The following RAB38 variants were observed in gnomAD, a reference collection of about 807,000 sequenced individuals.
RAB38 encodes RAB38, member RAS oncogene family.
RAB38 carries 15 observed loss-of-function variants against 18.4 expected under a neutral mutation model. That is an observed-to-expected ratio of 0.82 (90% CI 0.55 to 1.26). The LOEUF (loss-of-function observed/expected upper bound fraction) is 1.26, where lower values mean the gene tolerates loss of function less well. Among genes scored for constraint, RAB38 ranks in the 50% most tolerant of loss-of-function variants. The probability of loss-of-function intolerance (pLI) is 0.00; values close to 1 mark genes in which losing one functional copy is unlikely to be tolerated. For missense variants in RAB38, 294 were observed against 267.4 expected (o/e 1.10, Z -0.69); for synonymous variants, 101 against 104.4 (o/e 0.97, Z 0.20).
At chr11:87,911,624 T>G in the RAB38 span, among the ~76,000 whole-genome samples, 2 of 152,072 alleles carry the variant, frequency 1.3e-5, no homozygotes, top group Admixed American at 1.3e-4. Context: ...TTCTGAAGAT[T>G]CCATAGGATT....
chr11:88,098,863 C>G, the RAB38 span: 1 of 151,932 alleles, frequency 6.6e-6, no homozygotes, highest in Non-Finnish European at 1.5e-5. Context: ...CAAACAAACC[C>G]TACATTGTTT....
At chr11:87,828,178 T>G in the RAB38 span, among the ~76,000 whole-genome samples, 2 of 152,200 alleles carry the variant, frequency 1.3e-5, no homozygotes, top group African/African-American at 4.8e-5. Flanking sequence ...TAAAAACCAT[T>G]GACTTCAATG....
the RAB38 span, among the ~76,000 whole-genome samples, chr11:87,809,996 A>G: frequency 1.3e-5 from 2 of 152,208 alleles, no homozygotes; most frequent in Non-Finnish European, 1.5e-5. Context: ...CTTAAATTCT[A>G]TGAATTTCAT....
intron 2 of RAB38, among the ~76,000 whole-genome samples, chr11:88,144,355 T>G (rs1279116529): frequency 6.6e-6 from 1 of 152,236 alleles, no homozygotes; most frequent in Non-Finnish European, 1.5e-5. Context: ...ATCTAGGTCA[T>G]CTGCCTGTGC....
chr11:88,148,848 A>G (rs940327561), intron 2 of RAB38, among the ~76,000 whole-genome samples: 3 of 152,186 alleles, frequency 2.0e-5, no homozygotes, highest in Non-Finnish European at 4.4e-5. Context: ...ACAAAAATCA[A>G]AAGCAAAAAT....
At chr11:88,046,496 T>G in the RAB38 span, among the ~76,000 whole-genome samples, 8 of 152,204 alleles carry the variant, frequency 5.3e-5, no homozygotes, top group Non-Finnish European at 8.8e-5. Context: ...CTTTCACTTG[T>G]ACTGACCCTG....
the RAB38 span, among the ~76,000 whole-genome samples, chr11:88,081,742 A>G: frequency 6.6e-6 from 1 of 151,896 alleles, no homozygotes; most frequent in African/African-American, 2.4e-5. Context: ...TATATCTGCA[A>G]AGACCCTTTT....
At chr11:87,926,512 T>TTCTG in the RAB38 span, among the ~76,000 whole-genome samples, 1 of 150,864 alleles carries the variant, frequency 6.6e-6, no homozygotes, top group Non-Finnish European at 1.5e-5. Flanking sequence ...ATGGTGGTTT[T>TTCTG]TTTGTTTGTT....
the RAB38 span, among the ~76,000 whole-genome samples, chr11:88,106,546 G>A: frequency 2.0e-5 from 3 of 152,254 alleles, no homozygotes; most frequent in East Asian, 5.8e-4. Context: ...AAATTCCAGA[G>A]TCTTATGTCT....
the RAB38 span, among the ~76,000 whole-genome samples, chr11:88,007,869 G>T: frequency 8.8e-4 from 134 of 152,142 alleles, no homozygotes; most frequent in African/African-American, 3.2e-3. Context: ...TAGATAAGTT[G>T]TATATTATTT....
chr11:88,005,831 T>G, the RAB38 span, among the ~76,000 whole-genome samples: 2 of 151,612 alleles, frequency 1.3e-5, no homozygotes, highest in Non-Finnish European at 3.0e-5. Flanking sequence ...TATCCAGTTT[T>G]CCCAGCATTG....
the RAB38 span, among the ~76,000 whole-genome samples, chr11:88,008,543 T>C: frequency 6.6e-6 from 1 of 152,172 alleles, no homozygotes; most frequent in Admixed American, 6.5e-5. Context: ...CTCCAGGTGA[T>C]TCTAATGCAT....
chr11:88,006,844 G>A, the RAB38 span, among the ~76,000 whole-genome samples: 1 of 151,380 alleles, frequency 6.6e-6, no homozygotes, highest in Admixed American at 6.6e-5. Context: ...ATCAGAGGAT[G>A]GGGAGGGTTA....
chr11:87,842,524 A>G, the RAB38 span, among the ~76,000 whole-genome samples: 1 of 152,180 alleles, frequency 6.6e-6, no homozygotes, highest in Admixed American at 6.5e-5. Context: ...ACTATTAATT[A>G]GTATCTGGGA....
chr11:87,834,309 A>G, the RAB38 span, among the ~76,000 whole-genome samples: 6 of 152,222 alleles, frequency 3.9e-5, no homozygotes, highest in African/African-American at 1.4e-4. Context: ...AGCCTCCAGA[A>G]GAAAACACAT....
intron 2 of RAB38, among the ~76,000 whole-genome samples, chr11:88,126,842 G>A (rs1435762335): frequency 6.6e-6 from 1 of 152,158 alleles, no homozygotes; most frequent in Non-Finnish European, 1.5e-5. Flanking sequence ...AACTTCACAA[G>A]GTTATTGAGG....
intron 2 of RAB38, among the ~76,000 whole-genome samples, chr11:88,139,353 G>A (rs2134809408): frequency 6.6e-6 from 1 of 152,254 alleles, no homozygotes; most frequent in South Asian, 2.1e-4. Flanking sequence ...TGGCAACCCA[G>A]ATTAAACACC....
chr11:87,823,944 A>G, the RAB38 span, among the ~76,000 whole-genome samples: 2 of 152,230 alleles, frequency 1.3e-5, no homozygotes, highest in African/African-American at 4.8e-5. Flanking sequence ...AACAAGACAC[A>G]TTCAATTTCA....
At chr11:88,153,544 G>A (rs1009556102) in intron 1 of RAB38, among the ~76,000 whole-genome samples, 1 of 152,006 alleles carries the variant, frequency 6.6e-6, no homozygotes, top group African/African-American at 2.4e-5. Flanking sequence ...TGGACCCCTG[G>A]CAGCTCCCTA....
Sources: allele counts gnomAD v4.1 joint callset (sites outside exome capture counted in the v4.1 genomes callset), GRCh38; gene constraint gnomAD v4.1.1; transcripts MANE v1.5; gene names NCBI Gene and HGNC (gene_info 2026-07-23, HGNC 2026-07-21).